The following CAMK4 variants were observed in gnomAD, a reference collection of about 807,000 sequenced individuals.
CAMK4 encodes calcium/calmodulin-dependent protein kinase type IV.
A neutral mutation model predicts 44.9 loss-of-function variants in CAMK4; 22 were observed. The observed-to-expected ratio is 0.49, with a 90% CI of 0.35 to 0.70. The LOEUF (loss-of-function observed/expected upper bound fraction) is 0.70, where lower values mean the gene tolerates loss of function less well. CAMK4 is among the 30% of genes least tolerant of loss of function. CAMK4 has a pLI of 0.01. For missense variants in CAMK4, 498 were observed against 586.8 expected (o/e 0.85, Z 1.56); for synonymous variants, 218 against 215.4 (o/e 1.01, Z -0.11).
chr5:111,369,164 C>T (rs1186779234), intron 2 of CAMK4, among the ~76,000 whole-genome samples: 1 of 151,710 alleles, frequency 6.6e-6, no homozygotes, highest in African/African-American at 2.4e-5. Context: ...CTCCTGGGTT[C>T]AAGTGATCTT....
chr5:111,355,819 A>C (rs1048362033), intron 2 of CAMK4, among the ~76,000 whole-genome samples: 1 of 148,760 alleles, frequency 6.7e-6, no homozygotes, highest in Non-Finnish European at 1.5e-5. Flanking sequence ...ATGTCCCTAC[A>C]AAGGACATGA....
At chr5:111,343,142 ACACAC>A (rs1251817681) in intron 1 of CAMK4, among the ~76,000 whole-genome samples, 1 of 151,730 alleles carries the variant, frequency 6.6e-6, no homozygotes, top group Non-Finnish European at 1.5e-5. Flanking sequence ...TGCATTTACA[ACACAC>A]CAGTCTTTGA....
At chr5:111,266,827 T>C (rs1353919819) in intron 1 of CAMK4, among the ~76,000 whole-genome samples, 1 of 152,234 alleles carries the variant, frequency 6.6e-6, no homozygotes, top group Non-Finnish European at 1.5e-5. Context: ...CCTTACCTTA[T>C]TTGAATTCTT....
intron 5 of CAMK4, among the ~76,000 whole-genome samples, chr5:111,405,052 A>G (rs145523854): frequency 6.6e-6 from 1 of 152,326 alleles, no homozygotes; most frequent in East Asian, 1.9e-4. Flanking sequence ...CATGGCTACA[A>G]GATGGTAAAA....
At chr5:111,446,882 T>A (rs1270641385) in intron 6 of CAMK4, 106 bp downstream of exon 6, 1 of 748,276 alleles carries the variant, frequency 1.3e-6, no homozygotes, top group Admixed American at 1.9e-5. Flanking sequence ...ATCCATTCAG[T>A]TTTCCTGAAT....
rs528633116 is a variant in CAMK4, at chr5:111,345,084, C to A, written c.240+982C>A. Reference sequence around the variant, plus strand: ...AAGGAATTTTTTTTCCTCAAGGCAGCTTAAAATTACCAGCTGTTTATGTAT... The same window carrying A: ...AAGGAATTTTTTTTCCTCAAGGCAGATTAAAATTACCAGCTGTTTATGTAT... On this transcript the variant is annotated intron_variant, in intron 2 of 10. Transcript: ENST00000282356. Among the ~76,000 whole-genome samples, 11 of 148,172 alleles carry A rather than the reference C, an allele frequency of 7.4e-5. No individual in the cohort carries two copies. In the East Asian group the frequency reaches 2.3e-3, roughly 31 times the overall value.
At chr5:111,450,068 C>CTATA (rs1754172031) in intron 7 of CAMK4, among the ~76,000 whole-genome samples, 1 of 152,220 alleles carries the variant, frequency 6.6e-6, no homozygotes, top group African/African-American at 2.4e-5. Context: ...CCTATAATCC[C>CTATA]AGCACTTTGG....
intron 1 of CAMK4, among the ~76,000 whole-genome samples, chr5:111,293,462 T>C (rs1366215625): frequency 6.6e-6 from 1 of 152,056 alleles, no homozygotes; most frequent in African/African-American, 2.4e-5. Flanking sequence ...AGTCTCATCC[T>C]GTTGCCCAGG....
intron 1 of CAMK4, among the ~76,000 whole-genome samples, chr5:111,280,231 A>C (rs1750953665): frequency 6.6e-6 from 1 of 152,248 alleles, no homozygotes; most frequent in Non-Finnish European, 1.5e-5. Flanking sequence ...GAATCTTCTA[A>C]TTAGAAAAAT....
At chr5:111,432,192 A>G (rs189636582) in intron 5 of CAMK4, among the ~76,000 whole-genome samples, 43 of 152,244 alleles carry the variant, frequency 2.8e-4, no homozygotes, top group South Asian at 6.2e-4. Context: ...ATGAGATCCT[A>G]TTATTTGCAA....
chr5:111,229,742 T>A (rs1748373827), intron 1 of CAMK4, among the ~76,000 whole-genome samples: 1 of 152,174 alleles, frequency 6.6e-6, no homozygotes, highest in Admixed American at 6.5e-5. Context: ...TTTTTTTATC[T>A]TACTAGGAAT....
At chr5:111,323,391 C>T (rs181424733) in intron 1 of CAMK4, among the ~76,000 whole-genome samples, 167 of 151,958 alleles carry the variant, frequency 1.1e-3, no homozygotes, top group African/African-American at 3.3e-3. Context: ...ATCAAAAAAT[C>T]ACAAGTCAAA....
chr5:111,378,915 C>T (rs73788900), intron 4 of CAMK4, among the ~76,000 whole-genome samples: 4,958 of 152,214 alleles, frequency 0.033, 283 homozygotes, highest in African/African-American at 0.11. Flanking sequence ...CCCATGTCCT[C>T]AAGCAAGAGT....
intron 7 of CAMK4, among the ~76,000 whole-genome samples, chr5:111,461,953 G>A (rs899366389): frequency 9.2e-5 from 14 of 151,934 alleles, no homozygotes; most frequent in African/African-American, 3.4e-4. Flanking sequence ...CAGAAAGAGT[G>A]GAAAGAATTT....
At chr5:111,322,047 CCTT>C (rs1412450938) in intron 1 of CAMK4, among the ~76,000 whole-genome samples, 1 of 151,916 alleles carries the variant, frequency 6.6e-6, no homozygotes, top group African/African-American at 2.4e-5. Flanking sequence ...CTACACTTGC[CCTT>C]CTTCTATAAA....
intron 2 of CAMK4, among the ~76,000 whole-genome samples, chr5:111,366,274 A>C (rs1345806592): frequency 6.6e-6 from 1 of 152,148 alleles, no homozygotes. Context: ...TAATCTCTGC[A>C]AGGAAAATAA....
chr5:111,298,870 T>C (rs1188746692), intron 1 of CAMK4, among the ~76,000 whole-genome samples: 3 of 152,228 alleles, frequency 2.0e-5, no homozygotes, highest in Non-Finnish European at 2.9e-5. Context: ...TCCCTGACAA[T>C]TGGCAGAACA....
intron 5 of CAMK4, among the ~76,000 whole-genome samples, chr5:111,443,905 T>C (rs1753937231): frequency 6.6e-6 from 1 of 152,230 alleles, no homozygotes; most frequent in Admixed American, 6.5e-5. Context: ...ATATTCTATC[T>C]ATCTTCCCCT....
intron 1 of CAMK4, among the ~76,000 whole-genome samples, chr5:111,287,439 A>G (rs2112617529): frequency 6.6e-6 from 1 of 152,356 alleles, no homozygotes; most frequent in South Asian, 2.1e-4. Context: ...CTCATAGTTT[A>G]TATGAAATCT....
Sources: allele counts gnomAD v4.1 joint callset (sites outside exome capture counted in the v4.1 genomes callset), GRCh38; gene constraint gnomAD v4.1.1; transcripts MANE v1.5; gene names NCBI Gene and HGNC (gene_info 2026-07-23, HGNC 2026-07-21).